The following PTPRD variants were observed in gnomAD, a reference collection of about 807,000 sequenced individuals.
PTPRD encodes receptor-type tyrosine-protein phosphatase delta.
Under a neutral mutation model 214.5 loss-of-function variants are expected in PTPRD, and 34 were observed. That is an observed-to-expected ratio of 0.16 (90% CI 0.12 to 0.21). PTPRD has a LOEUF of 0.21. Among genes scored for constraint, PTPRD ranks in the 10% least tolerant of loss-of-function variants. The pLI, the probability that PTPRD is intolerant of heterozygous loss-of-function variation, is 1.00. For synonymous variants in PTPRD, 1,128 were observed against 845.7 expected (o/e 1.33, Z -5.79); for missense variants, 2,545 against 2,398.7 (o/e 1.06, Z -1.27).
intron 3 of PTPRD, among the ~76,000 whole-genome samples, chr9:10,263,525 G>A (rs2093837834): frequency 6.6e-6 from 1 of 152,108 alleles, no homozygotes; most frequent in African/African-American, 2.4e-5. Flanking sequence ...CAAAAAGACT[G>A]GTGACATTTT....
At chr9:9,546,446 G>C (rs2078832480) in intron 8 of PTPRD, among the ~76,000 whole-genome samples, 1 of 151,372 alleles carries the variant, frequency 6.6e-6, no homozygotes, top group Non-Finnish European at 1.5e-5. Flanking sequence ...TTCATGTTCA[G>C]TTTTTCTAAT....
rs79541086 is a variant in PTPRD at position 9,551,599 on chromosome 9, T to G, written c.-237+23133A>C. Reference sequence around the variant, plus strand: ...GTACAGGCTGAAGATATTACATTAATGTTTGGCTCCTATATGGTTCTCAGT... The same window carrying G: ...GTACAGGCTGAAGATATTACATTAAGGTTTGGCTCCTATATGGTTCTCAGT... On this transcript the variant is annotated intron_variant, in intron 8 of 45. Transcript: ENST00000381196. Among the ~76,000 whole-genome samples, 285 of 152,140 alleles carry G rather than the reference T, an allele frequency of 1.9e-3. 1 individual carries two copies. The highest frequency in any genetic ancestry group is 6.3e-3 in the African/African-American group (261 of 41,556).
At chr9:9,622,219 C>G (rs952157953) in intron 7 of PTPRD, among the ~76,000 whole-genome samples, 1 of 152,126 alleles carries the variant, frequency 6.6e-6, no homozygotes, top group Admixed American at 6.5e-5. Context: ...CTGTTTAACA[C>G]TCATTAAACA....
intron 11 of PTPRD, among the ~76,000 whole-genome samples, chr9:8,954,583 C>A (rs2099121395): frequency 6.6e-6 from 1 of 151,372 alleles, no homozygotes; most frequent in Non-Finnish European, 1.5e-5. Context: ...AAACAAAAAA[C>A]CACTCAGCTA....
chr9:9,095,272 C>A (rs2099781872), intron 10 of PTPRD, among the ~76,000 whole-genome samples: 1 of 151,994 alleles, frequency 6.6e-6, no homozygotes, highest in African/African-American at 2.4e-5. Context: ...AGCACAACAA[C>A]TATAATAAAA....
chr9:9,818,233 A>T (rs1215544407), intron 5 of PTPRD, among the ~76,000 whole-genome samples: 1 of 152,160 alleles, frequency 6.6e-6, no homozygotes, highest in Non-Finnish European at 1.5e-5. Flanking sequence ...TGAAATCTCC[A>T]AAATTGCAGT....
intron 14 of PTPRD, among the ~76,000 whole-genome samples, chr9:8,584,679 G>C (rs951530138): frequency 2.0e-5 from 3 of 152,254 alleles, no homozygotes; most frequent in South Asian, 2.1e-4. Flanking sequence ...TTCCTAATAA[G>C]TTGGGTGTAA....
At chr9:8,459,545 G>A (rs1278707058) in intron 33 of PTPRD, among the ~76,000 whole-genome samples, 1 of 151,854 alleles carries the variant, frequency 6.6e-6, no homozygotes, top group Non-Finnish European at 1.5e-5. Flanking sequence ...ATATTCTTAA[G>A]ACAGAAAGAA....
chr9:10,166,973 C>A (rs2099162878), intron 3 of PTPRD, among the ~76,000 whole-genome samples: 1 of 152,118 alleles, frequency 6.6e-6, no homozygotes, highest in Non-Finnish European at 1.5e-5. Context: ...TCCTTTAAAA[C>A]ATTTGAACTA....
At chr9:8,754,542 G>A (rs992557012) in intron 11 of PTPRD, among the ~76,000 whole-genome samples, 33 of 152,266 alleles carry the variant, frequency 2.2e-4, no homozygotes, top group African/African-American at 6.3e-4. Context: ...GGTTAAATGG[G>A]TATCTGCATG....
intron 12 of PTPRD, among the ~76,000 whole-genome samples, chr9:8,698,024 T>C (rs1036885212): frequency 6.6e-6 from 1 of 152,212 alleles, no homozygotes; most frequent in Non-Finnish European, 1.5e-5. Flanking sequence ...GTCTCTGCTA[T>C]GATTATCACC....
chr9:8,887,168 G>A (rs904153527), intron 11 of PTPRD, among the ~76,000 whole-genome samples: 2 of 152,070 alleles, frequency 1.3e-5, no homozygotes, highest in African/African-American at 4.8e-5. Context: ...TTTGAACCCA[G>A]GTTTGTCAGA....
chr9:8,629,641 C>T (rs1220203313), intron 14 of PTPRD, among the ~76,000 whole-genome samples: 1 of 151,746 alleles, frequency 6.6e-6, no homozygotes, highest in Admixed American at 6.6e-5. Context: ...TAAAGTTCTG[C>T]TTAGGATGGG....
At chr9:10,511,841 C>A (rs1011302818) in intron 2 of PTPRD, among the ~76,000 whole-genome samples, 1 of 135,486 alleles carries the variant, frequency 7.4e-6, no homozygotes, top group African/African-American at 2.8e-5. Context: ...ACCATGGAAC[C>A]ATATACATAT....
intron 11 of PTPRD, among the ~76,000 whole-genome samples, chr9:8,847,550 A>T (rs761298020): frequency 5.3e-5 from 8 of 152,184 alleles, no homozygotes; most frequent in Non-Finnish European, 1.0e-4. Flanking sequence ...TAAAAGACCG[A>T]GTAATTTTCC....
intron 14 of PTPRD, among the ~76,000 whole-genome samples, chr9:8,569,151 C>G (rs904327352): frequency 1.3e-5 from 2 of 152,076 alleles, no homozygotes; most frequent in African/African-American, 4.8e-5. Flanking sequence ...GTAGGTGAAA[C>G]TCTCTTTAGA....
At chr9:8,603,127 T>C (rs1299840668) in intron 14 of PTPRD, among the ~76,000 whole-genome samples, 4 of 152,238 alleles carry the variant, frequency 2.6e-5, no homozygotes, top group Non-Finnish European at 5.9e-5. Flanking sequence ...AAGTATACTA[T>C]AATCCTTACC....
chr9:10,124,909 C>A (rs1390892525), intron 3 of PTPRD, among the ~76,000 whole-genome samples: 1 of 152,056 alleles, frequency 6.6e-6, no homozygotes, highest in Non-Finnish European at 1.5e-5. Flanking sequence ...AAGGCAAGAA[C>A]GTCAAAAGAG....
chr9:8,323,054 C>G (rs1175658135), intron 44 of PTPRD, among the ~76,000 whole-genome samples: 1 of 152,124 alleles, frequency 6.6e-6, no homozygotes, highest in Admixed American at 6.6e-5. Context: ...TCAAGACAGG[C>G]TGAAAGCTCG....
Sources: gnomAD v4.1 joint callset for allele counts (sites outside exome capture counted in the v4.1 genomes callset) on GRCh38, gnomAD v4.1.1 for gene constraint, MANE v1.5 for transcripts, NCBI Gene and HGNC (gene_info 2026-07-23, HGNC 2026-07-21) for gene names.